The following SUCNR1 variants were observed in gnomAD, a reference collection of about 807,000 sequenced individuals.
The protein encoded by SUCNR1 is succinate receptor 1.
In SUCNR1, 5 loss-of-function variants were observed where a neutral mutation model predicts 2.4. That is an observed-to-expected ratio of 2.07 (90% CI 1.08 to 4.36). The LOEUF (loss-of-function observed/expected upper bound fraction) is 4.36. Ranked by LOEUF, SUCNR1 falls within the 30% of genes most tolerant of loss-of-function variation. The pLI is 0.00. For missense variants in SUCNR1, 373 were observed against 399.2 expected, an observed-to-expected ratio of 0.93 and a Z score of 0.56; for synonymous variants, 162 against 143.9, an observed-to-expected ratio of 1.13 and a Z score of -0.90.
intron 1 of SUCNR1, among the ~76,000 whole-genome samples, chr3:151,877,156 A>C (rs565524797): frequency 3.9e-5 from 6 of 152,248 alleles, no homozygotes; most frequent in African/African-American, 1.4e-4. Flanking sequence ...GAGGGACTGC[A>C]TGTTAAGAAG....
At position 151,881,654 on chromosome 3, in the gene SUCNR1, T is replaced by A; in HGVS notation, c.*106T>A. ...GAGTGTCACAGATTTAACCTTGATC[T>A]AAAGACAAGTTGTACCCAGAGTATG... On this transcript the variant is annotated 3_prime_UTR_variant, in exon 3 of 3. Transcript: ENST00000362032. 1 of 1,030,234 alleles carries A rather than the reference T, an allele frequency of 9.7e-7. No individual in the cohort carries two copies. Among genetic ancestry groups the A allele is most frequent in the Non-Finnish European group, 1.4e-6 (1 of 711,340 alleles). 63.8% of individuals were successfully genotyped at this position (1,030,234 alleles called of 1,614,324 possible).
chr3:151,878,519 G>A (rs1306213908), intron 1 of SUCNR1, among the ~76,000 whole-genome samples: 1 of 152,120 alleles, frequency 6.6e-6, no homozygotes, highest in Non-Finnish European at 1.5e-5. Context: ...AAAGTTTTAA[G>A]AGATAAAAAA....
chr3:151,880,129 A>C (rs1479222127), intron 2 of SUCNR1, among the ~76,000 whole-genome samples: 2 of 152,164 alleles, frequency 1.3e-5, no homozygotes, highest in Non-Finnish European at 2.9e-5. Flanking sequence ...CTTGTATAAA[A>C]GCCTCTCCCT....
At chr3:151,874,419 C>T (rs1287542381) in intron 1 of SUCNR1, among the ~76,000 whole-genome samples, 1 of 151,736 alleles carries the variant, frequency 6.6e-6, no homozygotes, top group Non-Finnish European at 1.5e-5. Context: ...CTCAGGTGAT[C>T]CACTCATCTC....
chr3:151,874,252 G>A lies in SUCNR1; in HGVS notation c.-42+546G>A, dbSNP rs989067586. ...CATTTACAGCATGTGTTGGCTCACT[G>A]CAACCTCCGCCTCTGGGGTTCAAGC... On this transcript the variant is annotated intron_variant, in intron 1 of 2. Transcript: ENST00000362032. Among the ~76,000 whole-genome samples the A allele has an allele frequency of 6.8e-5, 10 of 147,318 alleles. No homozygotes were observed. The East Asian group carries it at 2.0e-3, about 30-fold the overall frequency.
Position 151,884,465 on chromosome 3 carries a change from T to C in SUCNR1, c.*2917T>C, listed in dbSNP as rs1367524781. The stretch of plus-strand genomic sequence containing the variant: ...ATGAGTCATAATTTTCCTGTTTCTC[T>C]ATATGCCTAGTAAATTAGAATTTTA... On this transcript the variant is annotated 3_prime_UTR_variant, in exon 3 of 3. Coordinates refer to ENST00000362032, the MANE Select transcript of SUCNR1 (RefSeq NM_033050.6). The C allele has an allele frequency of 6.6e-6, 1 of 152,242 alleles. No individual in the cohort carries two copies. Among genetic ancestry groups the C allele is most frequent in the African/African-American group, 2.4e-5 (1 of 41,458 alleles). The allele number at this position is 152,242 out of a possible 1,614,324, so 9.4% of individuals were successfully genotyped here.
rs764913871 is a variant in SUCNR1 at position 151,882,410 on chromosome 3, G to T, written c.*862G>T. 3 of 152,074 alleles carry T rather than the reference G, an allele frequency of 2.0e-5. No homozygotes were observed. Among genetic ancestry groups the T allele is most frequent in the Non-Finnish European group, 4.4e-5 (3 of 67,986 alleles). 9.4% of individuals were successfully genotyped at this position (152,074 alleles called of 1,614,324 possible). On this transcript the variant is annotated 3_prime_UTR_variant, in exon 3 of 3. Transcript: ENST00000362032. ...CACCAGTGCATGAAAATATATTAAA[G>T]TTCATTAGCCTTCTGCTCTTGATTT...
Position 151,881,490 on chromosome 3 carries a change from C to A in SUCNR1, c.947C>A (p.Ser316Tyr), listed in dbSNP as rs149770309. ...LMNQLRHNFK[S>Y]LTSFSRWAHE... is the part of the protein sequence containing the mutation. ...AATCAACTGAGACACAACTTCAAAT[C>A]CCTTACATCCTTTAGCAGATGGGCT... Residue 316 changes from serine (S) to tyrosine (Y), a missense_variant, in exon 3 of 3, where the codon TCC (serine) becomes TAC (tyrosine). Physicochemically the swap from Ser to Tyr is moderately radical, Grantham distance 144. Around this residue, in one of 3 missense-constraint regions of SUCNR1, gnomAD observed 157 missense variants for 178.7 expected, o/e 0.88. Transcript: ENST00000362032. 1.5e-5 allele frequency: 24 copies of A among 1,613,368 alleles called. No homozygotes were observed. Among genetic ancestry groups the A allele is most frequent in the Non-Finnish European group, 1.9e-5 (23 of 1,179,756 alleles).
chr3:151,879,945 T>C (rs1364197154), intron 2 of SUCNR1, 38 bp downstream of exon 2: 4 of 1,505,988 alleles, frequency 2.7e-6, no homozygotes, highest in Admixed American at 2.0e-5. Context: ...CAAAATCTTC[T>C]CTTCAATTAT....
chr3:151,882,979 A>G lies in SUCNR1; in HGVS notation c.*1431A>G, dbSNP rs1576666411. The G allele has an allele frequency of 6.6e-6, 1 of 152,248 alleles. No individual in the cohort carries two copies. The allele number at this position is 152,248 out of a possible 1,614,324, so 9.4% of individuals were successfully genotyped here. ...AGCATTATGAATACAGAGACATAAA[A>G]TTCCACTGTCCCTTCCTTTTCTGAA... On this transcript the variant is annotated 3_prime_UTR_variant, in exon 3 of 3. Coordinates refer to ENST00000362032, the MANE Select transcript of SUCNR1 (RefSeq NM_033050.6).
intron 1 of SUCNR1, among the ~76,000 whole-genome samples, chr3:151,876,301 C>G (rs1438049195): frequency 6.6e-6 from 1 of 151,858 alleles, no homozygotes; most frequent in Non-Finnish European, 1.5e-5. Context: ...GAGAGTGCTT[C>G]CAGAAAGTGT....
intron 1 of SUCNR1, among the ~76,000 whole-genome samples, chr3:151,877,082 A>C (rs573358776): frequency 5.3e-5 from 8 of 152,288 alleles, no homozygotes; most frequent in African/African-American, 1.9e-4. Context: ...GTATAGATAT[A>C]TGACAAATAT....
chr3:151,878,942 TA>T, intron 1 of SUCNR1, among the ~76,000 whole-genome samples: 1 of 152,312 alleles, frequency 6.6e-6, no homozygotes, highest in Non-Finnish European at 1.5e-5. Flanking sequence ...ATGCTTCTCA[TA>T]AAAAGCAGTT....
rs889550572 is a variant in SUCNR1 at position 151,881,787 on chromosome 3, AG to A, written c.*241del. 2 of 404,402 alleles carry A rather than the reference AG, an allele frequency of 4.9e-6. No homozygotes were observed. Among genetic ancestry groups the A allele is most frequent in the African/African-American group, 2.0e-5 (1 of 49,252 alleles). 25.1% of individuals were successfully genotyped at this position (404,402 alleles called of 1,614,324 possible). A position where few individuals can be genotyped will look rare whatever the true frequency, so the allele number is the denominator to read the frequency against. On this transcript the variant is annotated 3_prime_UTR_variant, in exon 3 of 3. Transcript: ENST00000362032. ...TAACTCCAAAATACTAGGTAGTATA[AG>A]GCTTTCTCAATCAGTGCAAAAATGG...
chr3:151,881,149 G>T lies in SUCNR1; in HGVS notation c.606G>T (p.Val202=), dbSNP rs1718083673. 1.2e-6 allele frequency: 2 copies of T among 1,614,086 alleles called. No individual in the cohort carries two copies. The highest frequency in any genetic ancestry group is 2.2e-5 in the South Asian group (2 of 91,080). Residue 202 remains valine, a synonymous_variant, in exon 3 of 3, where the codon GTG becomes GTT. Transcript: ENST00000362032. ...TLLGFLIPLF[V]MCFFYYKIAL... Reference sequence around the variant, plus strand: ...TGGGGTTCCTTATTCCTCTTTTTGTGATGTGTTTCTTTTATTACAAGATTG... The same window carrying T: ...TGGGGTTCCTTATTCCTCTTTTTGTTATGTGTTTCTTTTATTACAAGATTG...
intron 1 of SUCNR1, among the ~76,000 whole-genome samples, chr3:151,874,179 G>A (rs1166328307): frequency 4.6e-5 from 5 of 108,886 alleles, no homozygotes; most frequent in East Asian, 2.9e-4. Context: ...TTAAGACAGA[G>A]TTTCACTCTT....
Position 151,884,086 on chromosome 3 carries a change from A to G in SUCNR1, c.*2538A>G, listed in dbSNP as rs1025612730. 2 of 152,150 alleles carry G rather than the reference A, an allele frequency of 1.3e-5. No individual in the cohort carries two copies. The highest frequency in any genetic ancestry group is 4.8e-5 in the African/African-American group (2 of 41,440). The allele number at this position is 152,150 out of a possible 1,614,324, so 9.4% of individuals were successfully genotyped here. Reference sequence around the variant, plus strand: ...GCTTCAGATACTTTTAATACTACTTATTTGAATTTCATTATTTTTATTATA... The same window carrying G: ...GCTTCAGATACTTTTAATACTACTTGTTTGAATTTCATTATTTTTATTATA... On this transcript the variant is annotated 3_prime_UTR_variant, in exon 3 of 3. Transcript: ENST00000362032.
Position 151,881,311 on chromosome 3 carries a change from C to A in SUCNR1, c.768C>A (p.Ile256=), listed in dbSNP as rs1332424480. 1.9e-6 allele frequency: 3 copies of A among 1,614,064 alleles called. No homozygotes were observed. The highest frequency in any genetic ancestry group is 1.3e-5 in the African/African-American group (1 of 74,926). Residue 256 remains isoleucine, a synonymous_variant, in exon 3 of 3, where the codon ATC becomes ATA. Transcript: ENST00000362032. ...TPYHVMRNVR[I]ASRLGSWKQY... Reference sequence around the variant, plus strand: ...ATCACGTCATGCGGAATGTGAGGATCGCTTCACGCCTGGGGAGTTGGAAGC... The same window carrying A: ...ATCACGTCATGCGGAATGTGAGGATAGCTTCACGCCTGGGGAGTTGGAAGC...
At position 151,884,594 on chromosome 3, in the gene SUCNR1, A is replaced by G. The variant is rs1009359559; in HGVS notation, c.*3046A>G. 7.2e-5 allele frequency: 11 copies of G among 152,272 alleles called. No homozygotes were observed. Among genetic ancestry groups the G allele is most frequent in the Admixed American group, 7.2e-4 (11 of 15,290 alleles). The allele number at this position is 152,272 out of a possible 1,614,324, so 9.4% of individuals were successfully genotyped here. ...ACATTTACAAATGTACATGTACACA[A>G]TAATAAAAATAATTTTTTTCTCAGA... On this transcript the variant is annotated 3_prime_UTR_variant, in exon 3 of 3. Coordinates refer to ENST00000362032, the MANE Select transcript of SUCNR1 (RefSeq NM_033050.6).
Sources: allele counts gnomAD v4.1 joint callset (sites outside exome capture counted in the v4.1 genomes callset), GRCh38; gene constraint gnomAD v4.1.1; regional missense constraint gnomAD v4.1.1; transcripts MANE v1.5; gene names NCBI Gene and HGNC (gene_info 2026-07-23, HGNC 2026-07-21).